Variants in KIAA1958 observed in about 807,000 individuals in gnomAD.
KIAA1958 encodes uncharacterized protein KIAA1958.
In KIAA1958, 14 loss-of-function variants were observed where a neutral mutation model predicts 47.2. The ratio of observed to expected loss-of-function variants is 0.30; its 90% confidence interval spans 0.20 to 0.46. The LOEUF is 0.46. KIAA1958 is among the 20% of genes least tolerant of loss of function. The pLI is 1.00. For missense variants in KIAA1958, 803 were observed against 909.2 expected, an observed-to-expected ratio of 0.88 and a Z score of 1.50; for synonymous variants, 354 against 353.3, an observed-to-expected ratio of 1.00 and a Z score of -0.02.
intron 1 of KIAA1958, among the ~76,000 whole-genome samples, chr9:112,542,167 G>C (rs1268554323): frequency 6.6e-6 from 1 of 152,112 alleles, no homozygotes; most frequent in African/African-American, 2.4e-5. Context: ...CAAGAGTACA[G>C]ACCATGAATA....
Position 112,526,323 on chromosome 9 carries a change from G to A in KIAA1958, c.-25+39205G>A, listed in dbSNP as rs1387475424. ...GACTGAAGTGCAGTGGCACTGTCTCGGCACACTGCACTCTCCACCTCCTGG... is the reference window on the plus strand; with the variant it reads ...GACTGAAGTGCAGTGGCACTGTCTCAGCACACTGCACTCTCCACCTCCTGG... On this transcript the variant is annotated intron_variant, in intron 1 of 3. Coordinates refer to ENST00000337530, the MANE Select transcript of KIAA1958 (RefSeq NM_133465.4). Among the ~76,000 whole-genome samples the A allele has an allele frequency of 2.6e-5, 4 of 151,762 alleles. No homozygotes were observed. In the South Asian group the frequency reaches 6.3e-4, roughly 24 times the overall value.
chr9:112,569,720 A>C (rs1330362247), intron 1 of KIAA1958, among the ~76,000 whole-genome samples: 1 of 151,964 alleles, frequency 6.6e-6, no homozygotes, highest in Non-Finnish European at 1.5e-5. Flanking sequence ...TCCCGGGTTC[A>C]AATGATTTTC....
Position 112,661,082 on chromosome 9 carries a change from C to A in KIAA1958, c.*1013C>A, listed in dbSNP as rs926535059. On this transcript the variant is annotated 3_prime_UTR_variant, in exon 4 of 4. Coordinates refer to ENST00000337530, the MANE Select transcript of KIAA1958 (RefSeq NM_133465.4). ...CAAAAAACACAGATCCCCAAACTTTCTTTATTAAAGAGATTTGGAATATTT... is the reference window on the plus strand; with the variant it reads ...CAAAAAACACAGATCCCCAAACTTTATTTATTAAAGAGATTTGGAATATTT... 2.0e-5 allele frequency: 3 copies of A among 152,136 alleles called. No individual in the cohort carries two copies. The highest frequency in any genetic ancestry group is 7.2e-5 in the African/African-American group (3 of 41,426). The allele number at this position is 152,136 out of a possible 1,614,324, so 9.4% of individuals were successfully genotyped here.
chr9:112,519,828 A>G (rs1183477110), intron 1 of KIAA1958, among the ~76,000 whole-genome samples: 2 of 152,222 alleles, frequency 1.3e-5, no homozygotes, highest in South Asian at 2.1e-4. Context: ...CAGTAACTAT[A>G]TGGTATTAAT....
In KIAA1958 at chr9:112,664,900, C is replaced by G. The variant is rs1271180529; in HGVS notation, c.*4831C>G. 2 of 152,120 alleles carry G rather than the reference C, an allele frequency of 1.3e-5. No individual in the cohort carries two copies. The highest frequency in any genetic ancestry group is 2.9e-5 in the Non-Finnish European group (2 of 68,026). The allele number at this position is 152,120 out of a possible 1,614,324, so 9.4% of individuals were successfully genotyped here. ...CAAGACTTCTTTGAGGAAGGCTGTC[C>G]ACGCTTCAGGCAAAGTTTACCCATT... On this transcript the variant is annotated 3_prime_UTR_variant, in exon 4 of 4. Coordinates refer to ENST00000337530, the MANE Select transcript of KIAA1958 (RefSeq NM_133465.4).
chr9:112,531,847 C>T (rs1246219035), intron 1 of KIAA1958, among the ~76,000 whole-genome samples: 2 of 152,210 alleles, frequency 1.3e-5, no homozygotes, highest in Non-Finnish European at 2.9e-5. Context: ...GGTTAACGCT[C>T]ATGTTGATGT....
Position 112,664,855 on chromosome 9 carries a change from T to C in KIAA1958, c.*4786T>C, listed in dbSNP as rs1303676347. ...AAGTTCCTCCGTCTGATATGTGTATTCTGACATAACAGAATTTCCCAAGAC... is the reference window on the plus strand; with the variant it reads ...AAGTTCCTCCGTCTGATATGTGTATCCTGACATAACAGAATTTCCCAAGAC... On this transcript the variant is annotated 3_prime_UTR_variant, in exon 4 of 4. Coordinates refer to ENST00000337530, the MANE Select transcript of KIAA1958 (RefSeq NM_133465.4). The C allele has an allele frequency of 6.6e-6, 1 of 152,182 alleles. No homozygotes were observed. Among genetic ancestry groups the C allele is most frequent in the Non-Finnish European group, 1.5e-5 (1 of 68,036 alleles). 9.4% of individuals were successfully genotyped at this position (152,182 alleles called of 1,614,324 possible).
chr9:112,501,607 C>T (rs1372626131), intron 1 of KIAA1958, among the ~76,000 whole-genome samples: 1 of 152,138 alleles, frequency 6.6e-6, no homozygotes, highest in Non-Finnish European at 1.5e-5. Context: ...TAAAGAGGAG[C>T]CAACACCTTG....
At chr9:112,610,808 A>G (rs1836315614) in intron 2 of KIAA1958, among the ~76,000 whole-genome samples, 1 of 152,208 alleles carries the variant, frequency 6.6e-6, no homozygotes, top group South Asian at 2.1e-4. Context: ...CATAAAATAG[A>G]CAAAATTTGC....
chr9:112,561,845 A>G (rs1043270413), intron 1 of KIAA1958, among the ~76,000 whole-genome samples: 14 of 152,150 alleles, frequency 9.2e-5, no homozygotes, highest in Admixed American at 2.0e-4. Flanking sequence ...ACAGAGTGAC[A>G]CTCTGTCTCA....
chr9:112,575,214 A>G lies in KIAA1958; in HGVS notation c.1134A>G (p.Pro378=), dbSNP rs1353422280. The part of the protein sequence containing the change: ...SSSQQQPPVA[P]AITTEATAQC... ...GTCAGCAGCAGCCCCCAGTCGCTCC[A>G]GCCATAACCACTGAGGCCACAGCAC... is the stretch of plus-strand genomic sequence containing the variant. Residue 378 remains proline (P), a synonymous_variant, in exon 2 of 4, where the codon CCA becomes CCG. Transcript: ENST00000337530. The G allele has an allele frequency of 1.9e-6, 3 of 1,574,076 alleles. No homozygotes were observed. The highest frequency in any genetic ancestry group is 2.6e-6 in the Non-Finnish European group (3 of 1,167,338).
intron 2 of KIAA1958, among the ~76,000 whole-genome samples, chr9:112,609,701 A>C (rs1588038471): frequency 6.6e-6 from 1 of 152,096 alleles, no homozygotes; most frequent in East Asian, 1.9e-4. Flanking sequence ...ACAGGCATGC[A>C]CCACCACACC....
At position 112,574,089 on chromosome 9, in the gene KIAA1958, T is replaced by C; in HGVS notation, c.9T>C (p.Asp3=). 6.3e-7 allele frequency: 1 copy of C among 1,578,582 alleles called. No homozygotes were observed. The highest frequency in any genetic ancestry group is 8.6e-7 in the Non-Finnish European group (1 of 1,158,024). The part of the protein sequence containing the change: ME[D]CLHTSSENLS... ...ACTGCTGATCCTGTAACATGGAGGATTGTCTTCATACCTCATCTGAGAATC... is the reference window on the plus strand; with the variant it reads ...ACTGCTGATCCTGTAACATGGAGGACTGTCTTCATACCTCATCTGAGAATC... The change falls in exon 2 of 4, where the codon GAT becomes GAC. Residue 3 remains aspartate, a synonymous_variant. Coordinates refer to ENST00000337530, the MANE Select transcript of KIAA1958 (RefSeq NM_133465.4).
intron 2 of KIAA1958, among the ~76,000 whole-genome samples, chr9:112,626,869 A>G (rs114567606): frequency 3.7e-4 from 56 of 150,748 alleles, no homozygotes; most frequent in African/African-American, 1.3e-3. Flanking sequence ...ATTTCTATGC[A>G]TTGTGTAATA....
intron 3 of KIAA1958, among the ~76,000 whole-genome samples, chr9:112,656,757 T>A (rs982316830): frequency 1.4e-4 from 21 of 152,170 alleles, no homozygotes; most frequent in African/African-American, 5.1e-4. Context: ...CATTTCACAC[T>A]CTTTGGGGCT....
intron 1 of KIAA1958, among the ~76,000 whole-genome samples, chr9:112,563,526 A>G (rs894443532): frequency 6.6e-6 from 1 of 152,074 alleles, no homozygotes; most frequent in African/African-American, 2.4e-5. Context: ...TAAATATTTT[A>G]CTGCTAGTAT....
At chr9:112,593,103 T>G (rs1835951610) in intron 2 of KIAA1958, among the ~76,000 whole-genome samples, 1 of 152,240 alleles carries the variant, frequency 6.6e-6, no homozygotes, top group African/African-American at 2.4e-5. Context: ...ATGTACTTTT[T>G]TTTGGTTTTA....
intron 1 of KIAA1958, among the ~76,000 whole-genome samples, chr9:112,524,654 C>G (rs1036862390): frequency 2.0e-5 from 3 of 152,198 alleles, no homozygotes; most frequent in African/African-American, 7.2e-5. Flanking sequence ...GGAATGTTCT[C>G]CTTCTGCACC....
At chr9:112,542,552 CAG>C (rs1834961620) in intron 1 of KIAA1958, among the ~76,000 whole-genome samples, 1 of 152,168 alleles carries the variant, frequency 6.6e-6, no homozygotes, top group Non-Finnish European at 1.5e-5. Context: ...TGCTATGAAG[CAG>C]AGTGTAAATC....
Sources: allele counts gnomAD v4.1 joint callset (sites outside exome capture counted in the v4.1 genomes callset), GRCh38; gene constraint gnomAD v4.1.1; transcripts MANE v1.5; gene names NCBI Gene and HGNC (gene_info 2026-07-23, HGNC 2026-07-21).